The following HELZ variants were observed in gnomAD, a reference collection of about 807,000 sequenced individuals.
HELZ encodes ATP-dependent RNA helicase with zinc finger domain.
Under a neutral mutation model 218.2 loss-of-function variants are expected in HELZ, and 23 were observed. That is an observed-to-expected ratio of 0.11 (90% CI 0.08 to 0.15). The LOEUF (loss-of-function observed/expected upper bound fraction) is 0.15. Ranked by LOEUF, HELZ falls within the 10% of genes least tolerant of loss-of-function variation. HELZ has a pLI of 1.00. For synonymous variants in HELZ, 814 were observed against 829.4 expected, an observed-to-expected ratio of 0.98 and a Z score of 0.32; for missense variants, 1,813 against 2,353.7, an observed-to-expected ratio of 0.77 and a Z score of 4.75.
chr17:67,118,566 G>A (rs2037497195), intron 27 of HELZ, among the ~76,000 whole-genome samples: 1 of 151,654 alleles, frequency 6.6e-6, no homozygotes, highest in Non-Finnish European at 1.5e-5. Flanking sequence ...TTAAGAAAAT[G>A]AAAGCTAGAC....
At chr17:67,098,329 G>A (rs1045281231) in intron 31 of HELZ, among the ~76,000 whole-genome samples, 6 of 152,138 alleles carry the variant, frequency 3.9e-5, no homozygotes, top group Non-Finnish European at 5.9e-5. Flanking sequence ...CTTTTAAAAG[G>A]GGGGAGTTAA....
chr17:67,190,093 T>C, intron 10 of HELZ, 64 bp downstream of exon 10: 1 of 1,363,214 alleles, frequency 7.3e-7, no homozygotes, highest in South Asian at 1.2e-5. Context: ...GAGCACACAA[T>C]AAAGTCAAGA....
intron 31 of HELZ, among the ~76,000 whole-genome samples, chr17:67,106,553 C>T (rs1324668271): frequency 2.6e-5 from 4 of 152,246 alleles, no homozygotes; most frequent in East Asian, 1.9e-4. Context: ...GTGATCTGCC[C>T]GCCTCGGCCT....
At chr17:67,235,454 G>A (rs1259132994) in intron 3 of HELZ, among the ~76,000 whole-genome samples, 5 of 151,336 alleles carry the variant, frequency 3.3e-5, no homozygotes, top group Non-Finnish European at 5.9e-5. Flanking sequence ...GCAGTGAGTC[G>A]AGATCGTGTC....
chr17:67,117,097 C>T (rs1444751659), intron 27 of HELZ, among the ~76,000 whole-genome samples: 8 of 152,226 alleles, frequency 5.3e-5, no homozygotes, highest in South Asian at 2.1e-4. Flanking sequence ...TCAGGTGATC[C>T]GCTCACCTCA....
intron 20 of HELZ, among the ~76,000 whole-genome samples, chr17:67,147,101 G>A (rs999098003): frequency 2.0e-5 from 3 of 152,000 alleles, no homozygotes; most frequent in Non-Finnish European, 4.4e-5. Context: ...GTACAACATA[G>A]CCAAAGACAT....
At position 67,096,875 on chromosome 17, in the gene HELZ, C is replaced by T. The variant is rs190367876; in HGVS notation, c.5242-9794G>A. Among the ~76,000 whole-genome samples the T allele has an allele frequency of 1.0e-3, 154 of 152,342 alleles. No homozygotes were observed. In the Middle Eastern group the frequency reaches 0.01, roughly 10 times the overall value. On this transcript the variant is annotated intron_variant, in intron 31 of 32. Transcript: ENST00000358691. ...TTCACTGAAGTAGCACTTTTAATTT[C>T]CTTCAAGAACTTTTCCTTTGCATTC...
chr17:67,244,456 A>C, intron 1 of HELZ: 1 of 268,644 alleles, frequency 3.7e-6, no homozygotes, highest in Non-Finnish European at 5.7e-6. Flanking sequence ...TTCCCTAGGT[A>C]AGACTGCAGT....
At position 67,193,949 on chromosome 17, in the gene HELZ, CA is replaced by C. The variant is rs746898077; in HGVS notation, c.557+17del. 1.9e-6 allele frequency: 3 copies of C among 1,603,514 alleles called. No individual in the cohort carries two copies. Among genetic ancestry groups the C allele is most frequent in the South Asian group, 1.1e-5 (1 of 90,442 alleles). Reference sequence around the variant, plus strand: ...AACAAGACATGTCATTGTTTAAAAACAAAAAAATTCACATTACCTTTTACAC... The same window carrying C: ...AACAAGACATGTCATTGTTTAAAAACAAAAAATTCACATTACCTTTTACAC... On this transcript the variant is annotated intron_variant, in intron 9 of 32. Transcript: ENST00000358691.
intron 21 of HELZ, among the ~76,000 whole-genome samples, chr17:67,145,219 T>G (rs1283811659): frequency 2.0e-5 from 3 of 152,178 alleles, no homozygotes; most frequent in Admixed American, 6.6e-5. Flanking sequence ...GCCATTTTTT[T>G]GGTCTGCTGC....
intron 13 of HELZ, among the ~76,000 whole-genome samples, chr17:67,175,519 ATGTC>A (rs1238623721): frequency 3.9e-5 from 6 of 152,378 alleles, no homozygotes; most frequent in Non-Finnish European, 5.9e-5. Flanking sequence ...CAACATATGA[ATGTC>A]TGTCACAGAC....
At chr17:67,244,975 C>CG (rs2041439376) in intron 1 of HELZ, 173 bp downstream of exon 1, 1 of 985,802 alleles carries the variant, frequency 1.0e-6, no homozygotes, top group African/African-American at 1.7e-5. Flanking sequence ...GGCCTCGCCT[C>CG]GAAGAGCCGC....
chr17:67,215,878 G>C (rs764122430), intron 5 of HELZ, 21 bp downstream of exon 5: 2 of 1,483,496 alleles, frequency 1.3e-6, no homozygotes, highest in East Asian at 2.3e-5. Context: ...TCAATAATTC[G>C]AGTCTCATTT....
intron 31 of HELZ, among the ~76,000 whole-genome samples, chr17:67,104,295 C>T (rs996047278): frequency 6.6e-6 from 1 of 152,028 alleles, no homozygotes; most frequent in East Asian, 1.9e-4. Context: ...AAAAATTAGC[C>T]GGGTGTGGTG....
chr17:67,245,098 G>C, intron 1 of HELZ, 50 bp downstream of exon 1: 2 of 984,856 alleles, frequency 2.0e-6, no homozygotes, highest in Non-Finnish European at 2.4e-6. Context: ...AGAGCTCCGG[G>C]AGCTCGCGGA....
At position 67,215,349 on chromosome 17, in the gene HELZ, CTTT is replaced by C. The variant is rs773776900; in HGVS notation, c.247+547_247+549del. On this transcript the variant is annotated intron_variant, in intron 5 of 32. Transcript: ENST00000358691. ...GCCCTTGTGACTGGAGCTATTCAAA[CTTT>C]TTTTTTTTTTTTTTGAGACGTAGTC... Among the ~76,000 whole-genome samples, 223 of 136,610 alleles carry C rather than the reference CTTT, an allele frequency of 1.6e-3. 1 individual carries two copies. Among genetic ancestry groups the C allele is most frequent in the African/African-American group, 5.7e-3 (212 of 36,992 alleles). 89.6% of individuals were successfully genotyped at this position (136,610 alleles called of 152,430 possible).
intron 16 of HELZ, 122 bp downstream of exon 16, chr17:67,160,773 TTC>T (rs1305609509): frequency 5.8e-6 from 4 of 684,202 alleles, no homozygotes; most frequent in Non-Finnish European, 9.1e-6. Flanking sequence ...GCTTTTCCTT[TTC>T]TCTTTTTTTC....
chr17:67,228,780 G>A lies in HELZ; in HGVS notation c.-18-9958C>T, dbSNP rs533045052. 6.6e-5 allele frequency among the ~76,000 whole-genome samples: 10 copies of A among 151,772 alleles called. No homozygotes were observed. In the East Asian group the frequency reaches 1.6e-3, roughly 24 times the overall value. ...GTTGCCCAGGCTGGAGTGCAATAAC[G>A]CAATCTCGGCTCACTGCAACCTCCA... On this transcript the variant is annotated intron_variant, in intron 3 of 32. Transcript: ENST00000358691.
intron 24 of HELZ, among the ~76,000 whole-genome samples, chr17:67,125,788 G>C (rs957850844): frequency 6.6e-6 from 1 of 152,154 alleles, no homozygotes; most frequent in Non-Finnish European, 1.5e-5. Context: ...CCTGGATTAT[G>C]TGGGTGAGCC....
Sources: allele counts gnomAD v4.1 joint callset (sites outside exome capture counted in the v4.1 genomes callset), GRCh38; gene constraint gnomAD v4.1.1; transcripts MANE v1.5; gene names NCBI Gene and HGNC (gene_info 2026-07-23, HGNC 2026-07-21).